Variants in OLFM3 observed in about 807,000 individuals in gnomAD.
OLFM3 encodes the protein noelin-3.
A neutral mutation model predicts 48.6 loss-of-function variants in OLFM3; 20 were observed. The observed-to-expected ratio is 0.41, with a 90% CI of 0.29 to 0.60. The LOEUF (loss-of-function observed/expected upper bound fraction) is 0.60. Among genes scored for constraint, OLFM3 ranks in the 20% least tolerant of loss-of-function variants. The probability of loss-of-function intolerance (pLI) is 0.28; values close to 1 mark genes in which losing one functional copy is unlikely to be tolerated. For synonymous variants in OLFM3, 222 were observed against 198.1 expected (o/e 1.12, Z -1.01); for missense variants, 437 against 544.3 (o/e 0.80, Z 1.96).
At chr1:101,874,803 T>C (rs536123843) in intron 1 of OLFM3, among the ~76,000 whole-genome samples, 73 of 152,100 alleles carry the variant, frequency 4.8e-4, no homozygotes, top group African/African-American at 1.7e-3. Flanking sequence ...TCTGCAAATC[T>C]AACTTTAAGA....
At chr1:101,909,321 A>G (rs2101026396) in intron 1 of OLFM3, among the ~76,000 whole-genome samples, 1 of 152,390 alleles carries the variant, frequency 6.6e-6, no homozygotes, top group Non-Finnish European at 1.5e-5. Context: ...AGACATTCAC[A>G]TGAGCAAAAA....
chr1:101,899,461 A>G (rs1357249537), intron 1 of OLFM3, among the ~76,000 whole-genome samples: 2 of 152,200 alleles, frequency 1.3e-5, no homozygotes, highest in East Asian at 1.9e-4. Flanking sequence ...TCACTTTTGC[A>G]TATTCTATTC....
intron 1 of OLFM3, among the ~76,000 whole-genome samples, chr1:101,935,506 C>T (rs1449911479): frequency 1.3e-5 from 2 of 151,890 alleles, no homozygotes; most frequent in South Asian, 2.1e-4. Context: ...CAGAAAAACA[C>T]GAGAATCAGA....
At chr1:101,912,623 C>T (rs780005856) in intron 1 of OLFM3, among the ~76,000 whole-genome samples, 4 of 152,126 alleles carry the variant, frequency 2.6e-5, no homozygotes, top group Admixed American at 6.5e-5. Context: ...GCTGCAGAGA[C>T]GCCTACAGGG....
intron 1 of OLFM3, among the ~76,000 whole-genome samples, chr1:101,840,314 G>C (rs542624064): frequency 3.4e-4 from 51 of 152,152 alleles, no homozygotes; most frequent in Admixed American, 1.4e-3. Flanking sequence ...ACTAGGTGGT[G>C]GTATTCTGCC....
intron 1 of OLFM3, among the ~76,000 whole-genome samples, chr1:101,950,443 CTT>C (rs71088115): frequency 5.5e-5 from 8 of 144,646 alleles, no homozygotes; most frequent in Admixed American, 1.4e-4. Flanking sequence ...TGCTTTCTTT[CTT>C]TTTTTTTTTT....
chr1:101,832,964 A>C (rs1288916955), intron 2 of OLFM3, among the ~76,000 whole-genome samples: 1 of 152,224 alleles, frequency 6.6e-6, no homozygotes, highest in Non-Finnish European at 1.5e-5. Context: ...TTTGTGGTTA[A>C]ACATGTATAA....
At chr1:101,888,721 G>A (rs948731611) in intron 1 of OLFM3, among the ~76,000 whole-genome samples, 39 of 152,180 alleles carry the variant, frequency 2.6e-4, no homozygotes, top group African/African-American at 8.4e-4. Context: ...GCAACCTACA[G>A]AATGGGAGAA....
At chr1:101,894,230 T>C (rs1658110252) in intron 1 of OLFM3, among the ~76,000 whole-genome samples, 1 of 152,174 alleles carries the variant, frequency 6.6e-6, no homozygotes, top group Non-Finnish European at 1.5e-5. Flanking sequence ...AGGATGAGCA[T>C]GGCCAACAAA....
At chr1:101,865,647 A>G (rs1656830719) in intron 1 of OLFM3, among the ~76,000 whole-genome samples, 1 of 152,066 alleles carries the variant, frequency 6.6e-6, no homozygotes, top group Admixed American at 6.6e-5. Flanking sequence ...CTACTCTACA[A>G]TCATTAGTAT....
At chr1:101,960,737 G>T (rs998337189) in intron 1 of OLFM3, among the ~76,000 whole-genome samples, 1 of 152,036 alleles carries the variant, frequency 6.6e-6, no homozygotes. Context: ...TTCAGTCAGG[G>T]TATCTCAACC....
chr1:101,809,039 C>A, intron 4 of OLFM3, among the ~76,000 whole-genome samples: 1 of 149,582 alleles, frequency 6.7e-6, no homozygotes, highest in Non-Finnish European at 1.5e-5. Context: ...CAAAATAAAG[C>A]AAAAGAGATA....
At chr1:101,979,085 T>C (rs58364302) in intron 1 of OLFM3, among the ~76,000 whole-genome samples, 2,110 of 152,302 alleles carry the variant, frequency 0.014, 49 homozygotes, top group African/African-American at 0.048. Flanking sequence ...TTCTTCTGTA[T>C]GTCTTGTGGG....
chr1:101,959,832 T>G (rs1414357198), intron 1 of OLFM3, among the ~76,000 whole-genome samples: 1 of 152,156 alleles, frequency 6.6e-6, no homozygotes, highest in African/African-American at 2.4e-5. Flanking sequence ...CACAAGAAAG[T>G]GGCATACATA....
chr1:101,944,962 T>C (rs935711276), intron 1 of OLFM3, among the ~76,000 whole-genome samples: 3 of 151,942 alleles, frequency 2.0e-5, no homozygotes, highest in Non-Finnish European at 4.4e-5. Flanking sequence ...TTATTTGTCA[T>C]TGGGAAACAG....
intron 1 of OLFM3, among the ~76,000 whole-genome samples, chr1:101,978,647 A>C (rs183661238): frequency 6.6e-6 from 1 of 152,312 alleles, no homozygotes; most frequent in Admixed American, 6.5e-5. Context: ...ACTCTTTAGT[A>C]GTAACCAGAT....
chr1:101,991,012 AAAAAATATATATATAT>A (rs1213233779), intron 1 of OLFM3, among the ~76,000 whole-genome samples: 1 of 74,312 alleles, frequency 1.3e-5, no homozygotes, highest in African/African-American at 5.3e-5. Flanking sequence ...AAAAAAAAAA[AAAAAATATATATATAT>A]ATATATATAT....
intron 1 of OLFM3, among the ~76,000 whole-genome samples, chr1:101,904,618 A>T (rs1456560054): frequency 1.3e-5 from 2 of 152,128 alleles, no homozygotes; most frequent in African/African-American, 4.8e-5. Flanking sequence ...CAATACACAA[A>T]GCTGTGAACA....
chr1:101,962,601 C>T (rs928319143), intron 1 of OLFM3, among the ~76,000 whole-genome samples: 1 of 152,026 alleles, frequency 6.6e-6, no homozygotes, highest in African/African-American at 2.4e-5. Context: ...TGGCTTTTTA[C>T]ATTTTGATCA....
Sources: gnomAD v4.1 joint callset for allele counts (sites outside exome capture counted in the v4.1 genomes callset) on GRCh38, gnomAD v4.1.1 for gene constraint, MANE v1.5 for transcripts, NCBI Gene and HGNC (gene_info 2026-07-23, HGNC 2026-07-21) for gene names.